The following SGMS1 variants were observed in gnomAD, a reference collection of about 807,000 sequenced individuals.
SGMS1 encodes phosphatidylcholine:ceramide cholinephosphotransferase 1.
In SGMS1, 13 loss-of-function variants were observed where a neutral mutation model predicts 46.2. The ratio of observed to expected loss-of-function variants is 0.28; its 90% confidence interval spans 0.18 to 0.45. The LOEUF is 0.45. Among genes scored for constraint, SGMS1 ranks in the 20% least tolerant of loss-of-function variants. The pLI, the probability that SGMS1 is intolerant of heterozygous loss-of-function variation, is 1.00. For missense variants in SGMS1, 324 were observed against 519.9 expected, an observed-to-expected ratio of 0.62 and a Z score of 3.66; for synonymous variants, 203 against 187.8, an observed-to-expected ratio of 1.08 and a Z score of -0.66.
intron 3 of SGMS1, among the ~76,000 whole-genome samples, chr10:50,504,730 T>C (rs1166623532): frequency 6.6e-6 from 1 of 152,160 alleles, no homozygotes; most frequent in Non-Finnish European, 1.5e-5. Context: ...GCGGTTGACT[T>C]ATTTCTAAAA....
At chr10:50,575,524 C>T (rs555428638) in intron 2 of SGMS1, among the ~76,000 whole-genome samples, 15 of 152,188 alleles carry the variant, frequency 9.9e-5, no homozygotes, top group South Asian at 2.1e-4. Context: ...CCAACCTGGG[C>T]GACAGTGAGA....
chr10:50,322,496 G>A (rs977238655), intron 8 of SGMS1, among the ~76,000 whole-genome samples: 2 of 152,108 alleles, frequency 1.3e-5, no homozygotes, highest in African/African-American at 4.8e-5. Flanking sequence ...CAAATATTCT[G>A]CCCCTTTTCT....
chr10:50,411,101 A>G (rs1017628639), intron 6 of SGMS1, among the ~76,000 whole-genome samples: 2 of 152,230 alleles, frequency 1.3e-5, no homozygotes, highest in Non-Finnish European at 2.9e-5. Flanking sequence ...TGGCATATAC[A>G]CCATACTCGT....
intron 6 of SGMS1, among the ~76,000 whole-genome samples, chr10:50,382,558 A>AACACACACACACACACACACAC (rs1240446247): frequency 1.4e-5 from 1 of 69,230 alleles, no homozygotes; most frequent in African/African-American, 5.9e-5. Flanking sequence ...CACACACACA[A>AACACACACACACACACACACAC]ACACACACAT....
chr10:50,579,176 T>C (rs1304314166), intron 2 of SGMS1, among the ~76,000 whole-genome samples: 2 of 151,976 alleles, frequency 1.3e-5, no homozygotes. Context: ...AAAAAAACAT[T>C]ATAACAAACA....
rs528812478 is a variant in SGMS1, at chr10:50,356,567, T to TA, written c.-231-12223dup. 2.2e-3 allele frequency among the ~76,000 whole-genome samples: 334 copies of TA among 150,950 alleles called. 1 individual carries two copies. Among genetic ancestry groups the TA allele is most frequent in the African/African-American group, 7.6e-3 (313 of 41,198 alleles). The stretch of plus-strand genomic sequence containing the variant: ...ACACCCAAGAATGATCAATAAATAC[T>TA]AAAAAAATTAAAAAAAAATTTATTG... On this transcript the variant is annotated intron_variant, in intron 6 of 10. Transcript: ENST00000361781.
At chr10:50,491,340 G>A (rs2133739383) in intron 3 of SGMS1, among the ~76,000 whole-genome samples, 1 of 152,262 alleles carries the variant, frequency 6.6e-6, no homozygotes, top group East Asian at 1.9e-4. Flanking sequence ...GTGACAGAGT[G>A]AAACCTTTTC....
chr10:50,565,839 G>C (rs1453410201), intron 2 of SGMS1, among the ~76,000 whole-genome samples: 3 of 152,220 alleles, frequency 2.0e-5, no homozygotes, highest in Non-Finnish European at 4.4e-5. Context: ...CCCAGTGTGT[G>C]CCCGTGACGA....
intron 5 of SGMS1, among the ~76,000 whole-genome samples, chr10:50,440,221 T>C (rs1849524517): frequency 6.6e-6 from 1 of 151,730 alleles, no homozygotes; most frequent in African/African-American, 2.4e-5. Context: ...ACACCCCAGG[T>C]CACATCCCTC....
intron 6 of SGMS1, among the ~76,000 whole-genome samples, chr10:50,351,509 A>C (rs1201544388): frequency 6.6e-6 from 1 of 152,192 alleles, no homozygotes; most frequent in Admixed American, 6.5e-5. Context: ...TTTTGAATTG[A>C]ATTCCCATAA....
At chr10:50,471,580 A>T (rs1290025611) in intron 3 of SGMS1, among the ~76,000 whole-genome samples, 3 of 152,230 alleles carry the variant, frequency 2.0e-5, no homozygotes, top group African/African-American at 7.2e-5. Context: ...ATAAAAAAGG[A>T]TCTTTTAAAC....
intron 2 of SGMS1, among the ~76,000 whole-genome samples, chr10:50,563,592 A>T (rs997894289): frequency 7.3e-5 from 11 of 150,258 alleles, no homozygotes; most frequent in Non-Finnish European, 1.0e-4. Flanking sequence ...AAATACAAAA[A>T]ATTAGCCGGG....
At chr10:50,577,048 T>C (rs1267707099) in intron 2 of SGMS1, among the ~76,000 whole-genome samples, 1 of 152,134 alleles carries the variant, frequency 6.6e-6, no homozygotes, top group African/African-American at 2.4e-5. Context: ...CAAAGAACAG[T>C]GATAGTTTTC....
intron 1 of SGMS1, among the ~76,000 whole-genome samples, chr10:50,619,947 C>T (rs1040908580): frequency 1.3e-5 from 2 of 152,174 alleles, no homozygotes; most frequent in South Asian, 2.1e-4. Context: ...TCTTTCTCTT[C>T]GCTGTCTGTG....
chr10:50,506,160 A>T lies in SGMS1; in HGVS notation c.-498+13671T>A, dbSNP rs147131988. Among the ~76,000 whole-genome samples the T allele has an allele frequency of 1.3e-3, 202 of 152,224 alleles. 2 individuals carry two copies. Among genetic ancestry groups the T allele is most frequent in the African/African-American group, 4.7e-3 (197 of 41,526 alleles). On this transcript the variant is annotated intron_variant, in intron 3 of 10. Transcript: ENST00000361781. Reference sequence around the variant, plus strand: ...TTTCTGATCTCCCCATTACATGTAGATCCTACATTACACACTTATTAAACT... The same window carrying T: ...TTTCTGATCTCCCCATTACATGTAGTTCCTACATTACACACTTATTAAACT...
At chr10:50,614,491 G>A (rs60974974) in intron 1 of SGMS1, among the ~76,000 whole-genome samples, 6,127 of 152,314 alleles carry the variant, frequency 0.04, 550 homozygotes, top group East Asian at 0.36. Flanking sequence ...GATGGCAGTG[G>A]TTGGCAAAGA....
At chr10:50,429,515 T>A (rs189040243) in intron 6 of SGMS1, among the ~76,000 whole-genome samples, 27 of 152,282 alleles carry the variant, frequency 1.8e-4, no homozygotes, top group African/African-American at 6.5e-4. Context: ...AGCAACTCAG[T>A]AAATATAAGG....
intron 8 of SGMS1, among the ~76,000 whole-genome samples, chr10:50,317,270 T>C (rs1847355390): frequency 6.6e-6 from 1 of 152,230 alleles, no homozygotes; most frequent in South Asian, 2.1e-4. Context: ...CGGCCTTATT[T>C]TACTGTTGGT....
At chr10:50,555,643 GCTAA>G (rs1838183974) in intron 2 of SGMS1, among the ~76,000 whole-genome samples, 2 of 152,210 alleles carry the variant, frequency 1.3e-5, no homozygotes, top group Non-Finnish European at 2.9e-5. Context: ...GTACTGAGAA[GCTAA>G]CTAAGTATTC....
Sources: allele counts gnomAD v4.1 joint callset (sites outside exome capture counted in the v4.1 genomes callset), GRCh38; gene constraint gnomAD v4.1.1; transcripts MANE v1.5; gene names NCBI Gene and HGNC (gene_info 2026-07-23, HGNC 2026-07-21).